CFAP47: variants seen among roughly 807,000 people sequenced by gnomAD.
CFAP47 encodes the protein cilia and flagella associated protein 47.
Under a neutral mutation model 148.1 loss-of-function variants are expected in CFAP47, and 29 were observed. The observed-to-expected ratio is 0.20, with a 90% confidence interval of 0.15 to 0.27. The LOEUF (loss-of-function observed/expected upper bound fraction) is 0.27, where lower values mean the gene tolerates loss of function less well. Among genes scored for constraint, CFAP47 ranks in the 10% least tolerant of loss-of-function variants. CFAP47 has a pLI of 1.00. For synonymous variants in CFAP47, 664 were observed against 577.3 expected (o/e 1.15, Z -2.15); for missense variants, 1,872 against 1,697.5 (o/e 1.10, Z -1.81).
intron 25 of CFAP47, among the ~76,000 whole-genome samples, chrX:36,043,263 AC>A (rs1299293911): frequency 1.2e-4 from 13 of 112,063 alleles, no homozygotes; most frequent in Non-Finnish European, 2.1e-4. Flanking sequence ...AGTATTAAAA[AC>A]ATTTAAGTCT....
intron 45 of CFAP47, among the ~76,000 whole-genome samples, chrX:36,212,825 C>T (rs781813130): frequency 5.3e-4 from 59 of 111,299 alleles, no homozygotes; most frequent in African/African-American, 1.8e-3. Context: ...AAAAACTATA[C>T]GCAGCCAGGA....
intron 42 of CFAP47, among the ~76,000 whole-genome samples, chrX:36,197,640 A>G (rs1939933871): frequency 8.9e-6 from 1 of 112,205 alleles, no homozygotes; most frequent in African/African-American, 3.2e-5. Flanking sequence ...TCACATTTCA[A>G]ATGGCTAGCT....
intron 1 of CFAP47, among the ~76,000 whole-genome samples, chrX:35,924,225 GTA>G (rs1233423705): frequency 6.0e-5 from 6 of 100,421 alleles, no homozygotes; most frequent in Non-Finnish European, 7.8e-5. Flanking sequence ...GCATGTATGT[GTA>G]TATATGGACA....
chrX:36,053,410 T>C (rs1230471798), intron 26 of CFAP47, among the ~76,000 whole-genome samples: 1 of 111,800 alleles, frequency 8.9e-6, no homozygotes, highest in Non-Finnish European at 1.9e-5. Flanking sequence ...CTGAAGTCAG[T>C]ATGGTAATAT....
chrX:36,060,648 A>C (rs759214460), intron 26 of CFAP47, among the ~76,000 whole-genome samples: 11 of 112,174 alleles, frequency 9.8e-5, no homozygotes, highest in African/African-American at 3.2e-4. Flanking sequence ...CTGCTGTGGT[A>C]CAAATCAATG....
At chrX:36,027,404 C>T (rs1007348943) in intron 22 of CFAP47, among the ~76,000 whole-genome samples, 2 of 109,783 alleles carry the variant, frequency 1.8e-5, no homozygotes, top group Non-Finnish European at 3.8e-5. Context: ...GTGTCTCCAT[C>T]GTTTACCTCC....
intron 22 of CFAP47, among the ~76,000 whole-genome samples, chrX:36,018,674 G>A (rs754717533): frequency 8.9e-6 from 1 of 111,864 alleles, no homozygotes; most frequent in Admixed American, 9.4e-5. Flanking sequence ...TTCCATTCTT[G>A]CATCCCAGGG....
intron 15 of CFAP47, among the ~76,000 whole-genome samples, chrX:35,978,847 A>G (rs1339724829): frequency 2.7e-5 from 3 of 112,162 alleles, no homozygotes; most frequent in Non-Finnish European, 5.6e-5. Flanking sequence ...ATATTTTTAT[A>G]AACTGAAATG....
At chrX:36,288,064 A>AT (rs1460306195) in intron 51 of CFAP47, among the ~76,000 whole-genome samples, 5 of 111,883 alleles carry the variant, frequency 4.5e-5, no homozygotes, top group African/African-American at 1.6e-4. Flanking sequence ...GCCATCTCTT[A>AT]TTTTTTTATC....
intron 37 of CFAP47, among the ~76,000 whole-genome samples, chrX:36,151,189 G>A (rs1939302444): frequency 8.9e-6 from 1 of 111,746 alleles, no homozygotes; most frequent in Non-Finnish European, 1.9e-5. Context: ...GTTCATATTT[G>A]TTATTTTTAT....
In CFAP47 at chrX:35,975,965, T is replaced by C. The variant is rs1421614218; in HGVS notation, c.2713+52T>C. The C allele has an allele frequency of 3.5e-6, 4 of 1,136,081 alleles. No individual in the cohort carries two copies. The East Asian group carries it at 8.9e-5, about 25-fold the overall frequency. 93.6% of individuals were successfully genotyped at this position (1,136,081 alleles called of 1,213,427 possible). ...AGACATTTATTTTTTCATGTATTCA[T>C]GTATTCTGGTATTAATTATTTATTG... On this transcript the variant is annotated intron_variant, in intron 15 of 63. Coordinates refer to ENST00000378653, the MANE Select transcript of CFAP47 (RefSeq NM_001304548.2).
At chrX:36,334,284 T>G (rs1941586930) in intron 57 of CFAP47, among the ~76,000 whole-genome samples, 1 of 111,381 alleles carries the variant, frequency 9.0e-6, no homozygotes, top group African/African-American at 3.3e-5. Context: ...GACGACTACT[T>G]GCCACCATAT....
At chrX:36,068,059 T>C (rs893936852) in intron 27 of CFAP47, among the ~76,000 whole-genome samples, 3 of 112,153 alleles carry the variant, frequency 2.7e-5, no homozygotes, top group African/African-American at 9.7e-5. Context: ...CCACACATGT[T>C]AGCAAGTGGT....
Position 36,266,803 on chromosome X carries a change from G to C in CFAP47, c.7445-13684G>C, listed in dbSNP as rs782115861. ...GAAAAGACAGCCCTTTTCTCTCCAG[G>C]TCTAGCAGCTTACATATGTCAGACC... is the stretch of plus-strand genomic sequence containing the variant. On this transcript the variant is annotated intron_variant, in intron 49 of 63. Coordinates refer to ENST00000378653, the MANE Select transcript of CFAP47 (RefSeq NM_001304548.2). 3.6e-4 allele frequency among the ~76,000 whole-genome samples: 40 copies of C among 110,802 alleles called. 1 individual carries two copies. The highest frequency in any genetic ancestry group is 2.8e-3 in the Admixed American group (29 of 10,399).
At chrX:36,189,214 C>T (rs900279076) in intron 41 of CFAP47, among the ~76,000 whole-genome samples, 16 of 111,168 alleles carry the variant, frequency 1.4e-4, no homozygotes, top group African/African-American at 5.2e-4. Context: ...ATCTCTCATA[C>T]ATCTGGGGTG....
At chrX:36,106,621 A>C (rs1322060046) in intron 33 of CFAP47, among the ~76,000 whole-genome samples, 1 of 111,811 alleles carries the variant, frequency 8.9e-6, no homozygotes, top group Non-Finnish European at 1.9e-5. Context: ...CCTCCATCAA[A>C]GAACAATGTA....
chrX:36,164,686 T>C (rs1246614362), intron 39 of CFAP47, among the ~76,000 whole-genome samples: 1 of 111,641 alleles, frequency 9.0e-6, no homozygotes, highest in African/African-American at 3.3e-5. Flanking sequence ...AGTTTAGACA[T>C]GTGCAAACAC....
chrX:36,199,955 A>C (rs1249790295), intron 42 of CFAP47, among the ~76,000 whole-genome samples: 2 of 111,794 alleles, frequency 1.8e-5, no homozygotes, highest in African/African-American at 6.5e-5. Flanking sequence ...AGACTTTTCC[A>C]TGTTCATTTT....
At chrX:36,225,585 G>A (rs1268307345) in intron 45 of CFAP47, among the ~76,000 whole-genome samples, 2 of 111,802 alleles carry the variant, frequency 1.8e-5, no homozygotes, top group Admixed American at 1.9e-4. Context: ...TCTACCAAGA[G>A]GACTGACCTA....
Sources: gnomAD v4.1 joint callset for allele counts (sites outside exome capture counted in the v4.1 genomes callset) on GRCh38, gnomAD v4.1.1 for gene constraint, MANE v1.5 for transcripts, NCBI Gene and HGNC (gene_info 2026-07-23, HGNC 2026-07-21) for gene names.